The following SORCS2 variants were observed in gnomAD, a reference collection of about 807,000 sequenced individuals.
The protein encoded by SORCS2 is sortilin related VPS10 domain containing receptor 2, also known as VPS10 domain-containing receptor SorCS2.
In SORCS2, 100 loss-of-function variants were observed where a neutral mutation model predicts 141.6. The observed-to-expected ratio is 0.71, with a 90% CI of 0.60 to 0.83. The LOEUF (loss-of-function observed/expected upper bound fraction) is 0.83. SORCS2 is among the 40% of genes least tolerant of loss of function. The pLI is 0.00. For missense variants in SORCS2, 1,646 were observed against 1,560.2 expected (o/e 1.05, Z -0.93); for synonymous variants, 789 against 676.9 (o/e 1.17, Z -2.57).
In SORCS2 at chr4:7,729,842, C is replaced by T. The variant is rs1009138563; in HGVS notation, c.3108+130C>T. On this transcript the variant is annotated intron_variant, in intron 23 of 26. Transcript: ENST00000507866. ...TCTTTCTCGCTGCATCTCAGTCTGACTCAGGGTGGCTTGACCTCGTCCACC... is the reference window on the plus strand; with the variant it reads ...TCTTTCTCGCTGCATCTCAGTCTGATTCAGGGTGGCTTGACCTCGTCCACC... 9 of 1,334,510 alleles carry T rather than the reference C, an allele frequency of 6.7e-6. No individual in the cohort carries two copies. In the African/African-American group the frequency reaches 8.8e-5, roughly 13 times the overall value. The allele number at this position is 1,334,510 out of a possible 1,614,324, so 82.7% of individuals were successfully genotyped here. A position where few individuals can be genotyped will look rare whatever the true frequency, so the allele number is the denominator to read the frequency against.
rs200305230 is a variant in SORCS2 at position 7,723,798 on chromosome 4, C to T, written c.2526C>T (p.Tyr842=). The change falls in exon 19 of 27, where the codon TAC becomes TAT. Residue 842 remains tyrosine, a synonymous_variant. Transcript: ENST00000507866. ...TLTGEPIRHR[Y]ESPGIYRVSV... is the part of the protein sequence containing the mutation. ...CCGGGGAGCCCATCCGGCACCGCTA[C>T]GAGAGCCCCGGCATCTACCGCGTGT... The T allele has an allele frequency of 9.8e-4, 1,574 of 1,613,856 alleles. 4 individuals carry two copies. The highest frequency in any genetic ancestry group is 2.3e-3 in the Admixed American group (139 of 60,028).
chr4:7,602,148 A>C (rs940569376), intron 3 of SORCS2, among the ~76,000 whole-genome samples: 1 of 152,238 alleles, frequency 6.6e-6, no homozygotes, highest in Non-Finnish European at 1.5e-5. Flanking sequence ...CAAAACCGCC[A>C]TCGTCATCAT....
Position 7,676,825 on chromosome 4 carries a change from C to T in SORCS2, c.1341+596C>T, listed in dbSNP as rs1462439772. Among the ~76,000 whole-genome samples the T allele has an allele frequency of 2.0e-4, 8 of 40,556 alleles. 2 individuals are homozygous for T. The highest frequency in any genetic ancestry group is 3.7e-4 in the Non-Finnish European group (6 of 16,130). The allele number at this position is 40,556 out of a possible 152,430, so 26.6% of individuals were successfully genotyped here. On this transcript the variant is annotated intron_variant, in intron 9 of 26. Transcript: ENST00000507866. ...TCTGTCTCTCTCTCTCTCTCTCTCT[C>T]TCTCCCTCTCTCCACCCCAGCCCTG...
intron 3 of SORCS2, among the ~76,000 whole-genome samples, chr4:7,583,506 A>G (rs1446655249): frequency 6.6e-6 from 1 of 152,154 alleles, no homozygotes; most frequent in African/African-American, 2.4e-5. Flanking sequence ...CTTTAATTGT[A>G]GCTCCCATAA....
chr4:7,267,852 G>C (rs898861220), intron 1 of SORCS2, among the ~76,000 whole-genome samples: 1 of 152,182 alleles, frequency 6.6e-6, no homozygotes, highest in African/African-American at 2.4e-5. Context: ...ATACCAGCTT[G>C]TCTGGGTCAT....
At chr4:7,647,413 A>G (rs544686372) in intron 4 of SORCS2, among the ~76,000 whole-genome samples, 6 of 152,188 alleles carry the variant, frequency 3.9e-5, no homozygotes, top group Non-Finnish European at 1.5e-5. Flanking sequence ...AGCCACACTC[A>G]CAGCTGCCTT....
At chr4:7,548,594 G>C (rs1345843966) in intron 3 of SORCS2, among the ~76,000 whole-genome samples, 1 of 152,148 alleles carries the variant, frequency 6.6e-6, no homozygotes, top group Admixed American at 6.5e-5. Context: ...CATGGGAGCT[G>C]GGCTTTGAAC....
At chr4:7,354,366 TG>T (rs1721124509) in intron 1 of SORCS2, among the ~76,000 whole-genome samples, 2 of 152,048 alleles carry the variant, frequency 1.3e-5, no homozygotes, top group African/African-American at 4.8e-5. Flanking sequence ...AGGTACCCGC[TG>T]GGGGCTCAGC....
At position 7,664,572 on chromosome 4, in the gene SORCS2, C is replaced by T. The variant is rs533033551; in HGVS notation, c.1071+101C>T. The T allele has an allele frequency of 2.2e-4, 175 of 801,812 alleles. 1 individual carries two copies. The highest frequency in any genetic ancestry group is 1.7e-3 in the South Asian group (95 of 55,338). 49.7% of individuals were successfully genotyped at this position (801,812 alleles called of 1,614,324 possible). ...ATCGCTCAGAAAAGAGGCAATAAAA[C>T]GGGTATTTCACTCTCAAATGCTACT... On this transcript the variant is annotated intron_variant, in intron 7 of 26. Transcript: ENST00000507866. The surrounding 1 kb of genome is among the most constrained non-coding windows in gnomAD (Gnocchi z 4.7).
intron 2 of SORCS2, among the ~76,000 whole-genome samples, chr4:7,398,721 A>G (rs1026445110): frequency 2.0e-5 from 3 of 152,146 alleles, no homozygotes; most frequent in African/African-American, 7.2e-5. Flanking sequence ...CCATGTAGTG[A>G]CAGGGTCTGC....
In SORCS2 at chr4:7,357,389, G is replaced by C. The variant is rs111362898; in HGVS notation, c.481-38899G>C. Among the ~76,000 whole-genome samples the C allele has an allele frequency of 5.4e-3, 828 of 152,312 alleles. 8 individuals are homozygous for C. Among genetic ancestry groups the C allele is most frequent in the African/African-American group, 0.018 (764 of 41,558 alleles). On this transcript the variant is annotated intron_variant, in intron 1 of 26. Transcript: ENST00000507866. ...AAGGGAGAGAGCAGATGACAGACTC[G>C]TAGGCACTGGCAGCTTGTCTGAGAC... is the stretch of plus-strand genomic sequence containing the variant.
intron 3 of SORCS2, among the ~76,000 whole-genome samples, chr4:7,572,738 C>T (rs1715485907): frequency 6.6e-6 from 1 of 152,190 alleles, no homozygotes; most frequent in Non-Finnish European, 1.5e-5. Flanking sequence ...GCTACAGCTC[C>T]ATCAATTGTC....
At chr4:7,307,057 G>A (rs1717882393) in intron 1 of SORCS2, among the ~76,000 whole-genome samples, 1 of 152,214 alleles carries the variant, frequency 6.6e-6, no homozygotes, top group Admixed American at 6.5e-5. Flanking sequence ...CAGTTCTCAA[G>A]GGGTCCTGCT....
intron 26 of SORCS2, among the ~76,000 whole-genome samples, chr4:7,737,727 C>T (rs1401813755): frequency 2.0e-5 from 3 of 152,226 alleles, no homozygotes; most frequent in African/African-American, 7.2e-5. Context: ...AAACCGCCCA[C>T]CTCAGCGGCG....
intron 3 of SORCS2, among the ~76,000 whole-genome samples, chr4:7,549,140 C>G (rs541598657): frequency 3.9e-5 from 6 of 152,202 alleles, no homozygotes; most frequent in Admixed American, 1.3e-4. Context: ...AGCTTGTGTC[C>G]CTGCATCCAC....
intron 2 of SORCS2, among the ~76,000 whole-genome samples, chr4:7,397,253 G>T (rs10005036): frequency 0.15 from 22,452 of 151,972 alleles, 1,811 homozygotes; most frequent in Non-Finnish European, 0.18. Context: ...TGGTTCTTAC[G>T]GAGGGATTTC....
intron 4 of SORCS2, among the ~76,000 whole-genome samples, chr4:7,639,167 A>G (rs1178845493): frequency 6.6e-6 from 1 of 152,202 alleles, no homozygotes; most frequent in Non-Finnish European, 1.5e-5. Flanking sequence ...CCGTGGGAAC[A>G]AATGGCCACA....
At chr4:7,574,865 T>C (rs567315011) in intron 3 of SORCS2, among the ~76,000 whole-genome samples, 50 of 152,316 alleles carry the variant, frequency 3.3e-4, no homozygotes, top group African/African-American at 1.1e-3. Context: ...GCAAGGCCTC[T>C]GTGTCTGTTA....
chr4:7,467,804 G>A (rs945619395), intron 2 of SORCS2, among the ~76,000 whole-genome samples: 10 of 152,244 alleles, frequency 6.6e-5, no homozygotes, highest in Non-Finnish European at 7.3e-5. Context: ...TCCCGGAGCC[G>A]GTCCCCGCAC....
Sources: gnomAD v4.1 joint callset for allele counts (sites outside exome capture counted in the v4.1 genomes callset) on GRCh38, gnomAD v4.1.1 for gene constraint, Gnocchi (gnomAD v3.1) non-coding constraint, MANE v1.5 for transcripts, NCBI Gene and HGNC (gene_info 2026-07-23, HGNC 2026-07-21) for gene names.